MYO1H: variants seen among roughly 807,000 people sequenced by gnomAD.
The protein encoded by MYO1H is unconventional myosin-Ih.
A neutral mutation model predicts 149.3 loss-of-function variants in MYO1H; 118 were observed. The observed-to-expected ratio is 0.79, with a 90% CI of 0.68 to 0.92. MYO1H has a LOEUF of 0.92. Ranked by LOEUF, MYO1H falls within the 40% of genes least tolerant of loss-of-function variation. The pLI, the probability that MYO1H is intolerant of heterozygous loss-of-function variation, is 0.00. For synonymous variants in MYO1H, 447 were observed against 465.2 expected, an observed-to-expected ratio of 0.96 and a Z score of 0.50; for missense variants, 1,212 against 1,280.7, an observed-to-expected ratio of 0.95 and a Z score of 0.82.
upstream of MYO1H, among the ~76,000 whole-genome samples, chr12:109,346,600 A>C (rs12372522): frequency 8.6e-3 from 1,306 of 152,148 alleles, 17 homozygotes; most frequent in Non-Finnish European, 0.013. Flanking sequence ...ATCTCTACTA[A>C]AAATACAAAA....
At chr12:109,376,769 T>C (rs1225054455) in intron 1 of MYO1H, among the ~76,000 whole-genome samples, 1 of 152,252 alleles carries the variant, frequency 6.6e-6, no homozygotes, top group South Asian at 2.1e-4. Flanking sequence ...ACAGATTATC[T>C]TGGCTATTCT....
At chr12:109,438,086 T>TAAAAAAAAA (rs58487735) in intron 22 of MYO1H, among the ~76,000 whole-genome samples, 3 of 96,908 alleles carry the variant, frequency 3.1e-5, no homozygotes, top group African/African-American at 1.4e-4. Flanking sequence ...AGGCTCTGTC[T>TAAAAAAAAA]AAAAAAAAAA....
At chr12:109,319,921 T>TTTTTG in the MYO1H span, among the ~76,000 whole-genome samples, 94 of 152,274 alleles carry the variant, frequency 6.2e-4, no homozygotes, top group Non-Finnish European at 9.7e-4. Flanking sequence ...GAACAGATTG[T>TTTTTG]TTTTGTTTTG....
chr12:109,371,070 A>G (rs1019969944), intron 1 of MYO1H, among the ~76,000 whole-genome samples: 3 of 152,234 alleles, frequency 2.0e-5, no homozygotes, highest in African/African-American at 7.2e-5. Flanking sequence ...AGAAAGAGCT[A>G]ACAGGTATAT....
chr12:109,340,441 T>A, the MYO1H span, among the ~76,000 whole-genome samples: 3,877 of 152,292 alleles, frequency 0.025, 158 homozygotes, highest in African/African-American at 0.089. Flanking sequence ...ACTGCTGAGA[T>A]TACAGGCATG....
the MYO1H span, among the ~76,000 whole-genome samples, chr12:109,318,805 AG>A: frequency 6.6e-6 from 1 of 152,198 alleles, no homozygotes; most frequent in South Asian, 2.1e-4. Flanking sequence ...AACATTTCTG[AG>A]GAAGGTGGTA....
chr12:109,439,224 A>C (rs1383588609), intron 23 of MYO1H, among the ~76,000 whole-genome samples: 1 of 151,930 alleles, frequency 6.6e-6, no homozygotes, highest in East Asian at 1.9e-4. Flanking sequence ...ACAGGCACAC[A>C]CCACCACACC....
At chr12:109,353,898 C>T (rs974192791) in intron 1 of MYO1H, among the ~76,000 whole-genome samples, 1 of 152,324 alleles carries the variant, frequency 6.6e-6, no homozygotes, top group African/African-American at 2.4e-5. Flanking sequence ...CTCAGGTGAT[C>T]TGCCCGCCTC....
Position 109,409,629 on chromosome 12 carries a change from G to A in MYO1H, c.1223+5G>A, listed in dbSNP as rs772787662. On this transcript the variant is annotated splice_donor_5th_base_variant and intron_variant, in intron 11 of 31. Transcript: ENST00000310903. ...TGAAGTCTTTGACAAGAATGGGTAT[G>A]TTTTGTCATTACCTACCTATCTGTC... The A allele has an allele frequency of 6.2e-7, 1 of 1,605,198 alleles. No homozygotes were observed. Among genetic ancestry groups the A allele is most frequent in the East Asian group, 2.2e-5 (1 of 44,820 alleles).
At chr12:109,382,504 T>A (rs1026255507) in intron 1 of MYO1H, among the ~76,000 whole-genome samples, 1 of 152,194 alleles carries the variant, frequency 6.6e-6, no homozygotes, top group African/African-American at 2.4e-5. Context: ...TTGTAAAATA[T>A]AGATATAATT....
chr12:109,405,954 CCTGGGGAACATTGG>C lies in MYO1H; in HGVS notation c.883_896del (p.Leu295PhefsTer2). 6.2e-7 allele frequency: 1 copy of C among 1,613,408 alleles called. No homozygotes were observed. The highest frequency in any genetic ancestry group is 1.1e-5 in the South Asian group (1 of 91,062). On this transcript the variant is annotated frameshift_variant, in exon 8 of 32. Transcript: ENST00000310903. LOFTEE classifies it high-confidence loss of function. ...TTGGAATTATTGCCAGTGTCTTACA[CCTGGGGAACATTGG>C]TTTTGAAGAAGACGACCAAGGCTGT...
intron 27 of MYO1H, among the ~76,000 whole-genome samples, chr12:109,443,292 ATG>A (rs1189295547): frequency 1.7e-5 from 2 of 120,136 alleles, no homozygotes; most frequent in Middle Eastern, 4.5e-3. Flanking sequence ...GTACGTATAT[ATG>A]TGTGTATATA....
intron 10 of MYO1H, among the ~76,000 whole-genome samples, chr12:109,409,246 C>CTTCT (rs1870549669): frequency 2.1e-5 from 1 of 47,854 alleles, no homozygotes; most frequent in African/African-American, 7.4e-5. Flanking sequence ...TCTTCTTCTT[C>CTTCT]TTTTTTTTTT....
the MYO1H span, among the ~76,000 whole-genome samples, chr12:109,326,025 C>T: frequency 6.6e-6 from 1 of 152,298 alleles, no homozygotes; most frequent in East Asian, 1.9e-4. Context: ...TCCCTGATAG[C>T]AGTTCTTCGG....
chr12:109,407,149 G>A (rs528709038), intron 9 of MYO1H, among the ~76,000 whole-genome samples: 56 of 152,054 alleles, frequency 3.7e-4, no homozygotes, highest in Admixed American at 1.5e-3. Flanking sequence ...GCTTTATCTA[G>A]TTAACTCCTC....
chr12:109,363,011 T>C (rs1353422591), intron 1 of MYO1H, among the ~76,000 whole-genome samples: 1 of 152,240 alleles, frequency 6.6e-6, no homozygotes, highest in Non-Finnish European at 1.5e-5. Flanking sequence ...TGTTTTGCTC[T>C]TTCCAAAGCC....
chr12:109,342,307 G>C, the MYO1H span, among the ~76,000 whole-genome samples: 1 of 151,600 alleles, frequency 6.6e-6, no homozygotes, highest in Non-Finnish European at 1.5e-5. Context: ...ACCACGCTCA[G>C]CTAATTTTTG....
At chr12:109,352,800 G>T (rs991863562) in intron 1 of MYO1H, among the ~76,000 whole-genome samples, 9 of 152,104 alleles carry the variant, frequency 5.9e-5, no homozygotes, top group African/African-American at 2.2e-4. Context: ...TAAATGCTTT[G>T]CACACCTGCC....
At chr12:109,436,535 T>G in exon 22 of MYO1H, 2 of 1,609,584 alleles carry the variant, frequency 1.2e-6, no homozygotes, top group Non-Finnish European at 1.7e-6. Flanking sequence ...AAGGAGAGAA[T>G]ACGTGAAAAA....
Sources: allele counts gnomAD v4.1 joint callset (sites outside exome capture counted in the v4.1 genomes callset), GRCh38; gene constraint gnomAD v4.1.1; transcripts MANE v1.5; gene names NCBI Gene and HGNC (gene_info 2026-07-23, HGNC 2026-07-21).